NALF1: variants seen among roughly 807,000 people sequenced by gnomAD.
NALF1 encodes NALCN channel auxiliary factor 1.
In NALF1, 3 loss-of-function variants were observed where a neutral mutation model predicts 48.4. That is an observed-to-expected ratio of 0.06 (90% CI 0.03 to 0.16). The LOEUF (loss-of-function observed/expected upper bound fraction) is 0.16, where lower values mean the gene tolerates loss of function less well. NALF1 is among the 10% of genes least tolerant of loss of function. NALF1 has a pLI of 1.00. For missense variants in NALF1, 526 were observed against 571.5 expected, an observed-to-expected ratio of 0.92 and a Z score of 0.81; for synonymous variants, 262 against 245.7, an observed-to-expected ratio of 1.07 and a Z score of -0.62.
Position 107,866,177 on chromosome 13 carries a change from G to A in NALF1, c.420C>T (p.Gly140=). 1 of 1,603,838 alleles carries A rather than the reference G, an allele frequency of 6.2e-7. No homozygotes were observed. The highest frequency in any genetic ancestry group is 8.5e-7 in the Non-Finnish European group (1 of 1,175,788). ...TLPPSPGDGG[G]GGGKGNRGKD... ...TGCCTCGGTTGCCCTTGCCGCCGCC[G>A]CCGCCGCCGTCTCCCGGGGAGGGGG... Residue 140 remains glycine (G), a synonymous_variant, in exon 1 of 3, where the codon GGC becomes GGT. Transcript: ENST00000375915. This position sits in a 1 kb window ranked among gnomAD's most constrained non-coding sequence, Gnocchi z 4.4.
intron 1 of NALF1, among the ~76,000 whole-genome samples, chr13:107,582,194 A>G (rs1878331141): frequency 6.6e-6 from 1 of 152,212 alleles, no homozygotes; most frequent in African/African-American, 2.4e-5. Context: ...CCTTTAAAAT[A>G]GATTCATTTT....
At chr13:107,818,906 G>T (rs1454899823) in intron 1 of NALF1, among the ~76,000 whole-genome samples, 1 of 146,336 alleles carries the variant, frequency 6.8e-6, no homozygotes, top group Non-Finnish European at 1.5e-5. Flanking sequence ...ATCCAGTTGA[G>T]CAAATATGAG....
At chr13:107,644,880 C>T (rs573294476) in intron 1 of NALF1, among the ~76,000 whole-genome samples, 32 of 151,648 alleles carry the variant, frequency 2.1e-4, no homozygotes, top group Non-Finnish European at 4.1e-4. Context: ...TAATCACTGC[C>T]GTAGATGTGT....
chr13:107,210,782 A>T (rs546997840), intron 1 of NALF1, 27 bp from the exon 2 acceptor site: 23 of 1,557,926 alleles, frequency 1.5e-5, no homozygotes, highest in Non-Finnish European at 1.9e-5. Flanking sequence ...AATGAAAAAT[A>T]TAGAGGCGTG....
chr13:107,318,986 T>C (rs1011133207), intron 1 of NALF1, among the ~76,000 whole-genome samples: 7 of 152,128 alleles, frequency 4.6e-5, no homozygotes, highest in Admixed American at 6.6e-5. Flanking sequence ...TGTTTCTACA[T>C]AGACGTATGA....
intron 1 of NALF1, among the ~76,000 whole-genome samples, chr13:107,751,415 T>C (rs1428200709): frequency 6.6e-6 from 1 of 152,224 alleles, no homozygotes; most frequent in African/African-American, 2.4e-5. Context: ...CTACATGATG[T>C]CAAACAGCTG....
chr13:107,755,128 A>T (rs1414915717), intron 1 of NALF1, among the ~76,000 whole-genome samples: 5 of 149,436 alleles, frequency 3.3e-5, no homozygotes, highest in Non-Finnish European at 1.5e-5. Context: ...AACAATTGTT[A>T]TTTTTTTTTT....
intron 1 of NALF1, among the ~76,000 whole-genome samples, chr13:107,441,011 C>A (rs989866557): frequency 1.3e-5 from 2 of 152,142 alleles, no homozygotes; most frequent in African/African-American, 4.8e-5. Context: ...CTCTCTCCAA[C>A]CTCCAAACCA....
intron 1 of NALF1, among the ~76,000 whole-genome samples, chr13:107,443,167 A>ATCTATCTAT (rs1566344520): frequency 7.2e-6 from 1 of 138,274 alleles, no homozygotes; most frequent in Non-Finnish European, 1.6e-5. Context: ...TATTTATCTA[A>ATCTATCTAT]CAATCTATCT....
rs186604305 is a variant in NALF1 at position 107,430,277 on chromosome 13, T to C, written c.916-219522A>G. Among the ~76,000 whole-genome samples, 253 of 143,844 alleles carry C rather than the reference T, an allele frequency of 1.8e-3. 1 individual carries two copies. Among genetic ancestry groups the C allele is most frequent in the Non-Finnish European group, 2.5e-3 (164 of 65,030 alleles). The allele number at this position is 143,844 out of a possible 152,430, so 94.4% of individuals were successfully genotyped here. ...GCTGCAGAGCTAAGAGATTTTTTTT[T>C]TAATATTTTAACTTTTTTTTTTATT... On this transcript the variant is annotated intron_variant, in intron 1 of 2. Coordinates refer to ENST00000375915, the MANE Select transcript of NALF1 (RefSeq NM_001080396.3).
At chr13:107,448,956 C>T (rs1413162586) in intron 1 of NALF1, among the ~76,000 whole-genome samples, 1 of 152,118 alleles carries the variant, frequency 6.6e-6, no homozygotes, top group African/African-American at 2.4e-5. Context: ...CAGAACATCA[C>T]ACGACTGCCA....
chr13:107,817,238 C>T (rs1219946931), intron 1 of NALF1, among the ~76,000 whole-genome samples: 1 of 152,166 alleles, frequency 6.6e-6, no homozygotes, highest in Non-Finnish European at 1.5e-5. Flanking sequence ...AAAGCATTCA[C>T]ATTAATAAAA....
At chr13:107,720,054 A>T (rs1875937250) in intron 1 of NALF1, among the ~76,000 whole-genome samples, 1 of 152,046 alleles carries the variant, frequency 6.6e-6, no homozygotes, top group Non-Finnish European at 1.5e-5. Flanking sequence ...CTTACTTGTC[A>T]TCACCTCCAT....
At chr13:107,526,524 G>A (rs1398740820) in intron 1 of NALF1, among the ~76,000 whole-genome samples, 1 of 152,060 alleles carries the variant, frequency 6.6e-6, no homozygotes, top group African/African-American at 2.4e-5. Flanking sequence ...AATACAGCAA[G>A]CCTGACAATC....
chr13:107,621,010 T>G (rs942011417), intron 1 of NALF1, among the ~76,000 whole-genome samples: 1 of 151,838 alleles, frequency 6.6e-6, no homozygotes, highest in Non-Finnish European at 1.5e-5. Flanking sequence ...GTGTGTGTGT[T>G]AACTTCAGTA....
intron 1 of NALF1, among the ~76,000 whole-genome samples, chr13:107,775,108 C>G (rs553271542): frequency 1.1e-4 from 16 of 152,172 alleles, no homozygotes; most frequent in South Asian, 6.2e-4. Context: ...ACAATGTGCA[C>G]GTTAGTTACA....
chr13:107,761,742 T>C (rs1324174600), intron 1 of NALF1, among the ~76,000 whole-genome samples: 1 of 152,164 alleles, frequency 6.6e-6, no homozygotes, highest in Non-Finnish European at 1.5e-5. Flanking sequence ...CATCAAACAA[T>C]ATTTCATAAC....
At chr13:107,378,369 T>C (rs1027555272) in intron 1 of NALF1, among the ~76,000 whole-genome samples, 2 of 149,984 alleles carry the variant, frequency 1.3e-5, no homozygotes, top group Non-Finnish European at 3.0e-5. Context: ...AATTGATTTT[T>C]AGTAGGTAAA....
rs1176746303 is a variant in NALF1, at chr13:107,384,831, CTT to C, written c.916-174078_916-174077del. ...GTAAACCAAACACATGTGTTACAGA[CTT>C]TGCTTTCTCAGGCAGGATGCAACAG... On this transcript the variant is annotated intron_variant, in intron 1 of 2. Coordinates refer to ENST00000375915, the MANE Select transcript of NALF1 (RefSeq NM_001080396.3). Among the ~76,000 whole-genome samples, 2 of 152,222 alleles carry C rather than the reference CTT, an allele frequency of 1.3e-5. 1 individual carries two copies. Among genetic ancestry groups the C allele is most frequent in the Non-Finnish European group, 2.9e-5 (2 of 68,032 alleles).
Sources: gnomAD v4.1 joint callset for allele counts (sites outside exome capture counted in the v4.1 genomes callset) on GRCh38, gnomAD v4.1.1 for gene constraint, Gnocchi (gnomAD v3.1) non-coding constraint, MANE v1.5 for transcripts, NCBI Gene and HGNC (gene_info 2026-07-23, HGNC 2026-07-21) for gene names.